Variants in TGOLN2 observed in about 807,000 individuals in gnomAD.
TGOLN2 encodes trans-Golgi network integral membrane protein 2.
TGOLN2 carries 19 observed loss-of-function variants against 31.3 expected under a neutral mutation model. The observed-to-expected ratio is 0.61, with a 90% confidence interval of 0.42 to 0.89. TGOLN2 has a LOEUF of 0.89. TGOLN2 is among the 40% of genes least tolerant of loss of function. The pLI is 0.00. For missense variants in TGOLN2, 540 were observed against 559.2 expected (o/e 0.97, Z 0.35); for synonymous variants, 222 against 226.7 (o/e 0.98, Z 0.19).
rs1366547271 is a variant in TGOLN2 at position 85,322,100 on chromosome 2, A to G, written c.*636T>C. The G allele has an allele frequency of 6.5e-6, 1 of 152,842 alleles. No individual in the cohort carries two copies. The highest frequency in any genetic ancestry group is 1.5e-5 in the Non-Finnish European group (1 of 68,518). The allele number at this position is 152,842 out of a possible 1,614,324, so 9.5% of individuals were successfully genotyped here. On this transcript the variant is annotated 3_prime_UTR_variant, in exon 4 of 4. Transcript: ENST00000377386. ...AGGTTAGACTTGCACCCAAAAAAGC[A>G]TCTTTTTTTTTAACCTGCTGTTTTG...
chr2:85,323,600 A>T (rs902982600), intron 3 of TGOLN2, among the ~76,000 whole-genome samples: 1 of 152,196 alleles, frequency 6.6e-6, no homozygotes, highest in African/African-American at 2.4e-5. Flanking sequence ...AAAGGGGGAA[A>T]ACCCTTAAAG....
intron 3 of TGOLN2, chr2:85,324,629 GAAAAA>G: frequency 2.4e-6 from 1 of 413,078 alleles, no homozygotes; most frequent in South Asian, 4.7e-5. Flanking sequence ...AAACTTAGCG[GAAAAA>G]AAAAAAAAAG....
rs1464650897 is a variant in TGOLN2, at chr2:85,321,535, T to A, written c.*1201A>T. ...TTAGAAAAGATAAACCTTCAAACAATAGTGTTGTCCAAGACACTACCCTCA... is the reference window on the plus strand; with the variant it reads ...TTAGAAAAGATAAACCTTCAAACAAAAGTGTTGTCCAAGACACTACCCTCA... On this transcript the variant is annotated 3_prime_UTR_variant, in exon 4 of 4. Transcript: ENST00000377386. The A allele has an allele frequency of 6.6e-6, 1 of 152,622 alleles. No homozygotes were observed. The highest frequency in any genetic ancestry group is 2.4e-5 in the African/African-American group (1 of 41,436). The allele number at this position is 152,622 out of a possible 1,614,324, so 9.5% of individuals were successfully genotyped here.
chr2:85,326,427 A>T, intron 2 of TGOLN2, 81 bp downstream of exon 2: 1 of 1,388,902 alleles, frequency 7.2e-7, no homozygotes, highest in Non-Finnish European at 1.0e-6. Flanking sequence ...ACGGGCATCT[A>T]GTGACGGGAT....
chr2:85,324,929 G>A lies in TGOLN2; in HGVS notation c.1294C>T (p.Arg432Cys), dbSNP rs1366314679. 8 of 1,555,094 alleles carry A rather than the reference G, an allele frequency of 5.1e-6. No individual in the cohort carries two copies. The African/African-American group carries it at 5.5e-5, about 11-fold the overall frequency. The change falls in exon 3 of 4, where the codon CGT becomes TGT. Residue 432 changes from arginine (R) to cysteine (C), a missense_variant. By Grantham distance (180) the Arg-to-Cys change is radical. Coordinates refer to ENST00000377386, the MANE Select transcript of TGOLN2 (RefSeq NM_006464.4). The part of the protein sequence containing the change: ...TRRPKASDYQ[R>C]LDQKS ...TCCTTCCTTACCTTCTGGTCCAAAC[G>A]TTGGTAGTCACTGGCCTTTGGCCGC...
chr2:85,325,725 G>A (rs1312143252), intron 2 of TGOLN2, among the ~76,000 whole-genome samples: 4 of 152,164 alleles, frequency 2.6e-5, no homozygotes, highest in African/African-American at 9.7e-5. Flanking sequence ...CGATCCTCCT[G>A]CCTCGGCCTC....
At chr2:85,323,384 G>A (rs1027469573) in intron 3 of TGOLN2, among the ~76,000 whole-genome samples, 11 of 152,100 alleles carry the variant, frequency 7.2e-5, no homozygotes, top group Non-Finnish European at 4.4e-5. Flanking sequence ...TGGCCAAAAG[G>A]GTGAAACCCC....
chr2:85,326,978 C>G lies in TGOLN2; in HGVS notation c.754G>C (p.Val252Leu), dbSNP rs1456811068. 1 of 1,613,902 alleles carries G rather than the reference C, an allele frequency of 6.2e-7. No homozygotes were observed. The highest frequency in any genetic ancestry group is 2.2e-5 in the East Asian group (1 of 44,890). ...EQTSKDSPNK[V>L]VPEQPSRKDH... ...TTCCGGGAAGGCTGCTCTGGAACCACCTTGTTAGGGCTGTCTTTTGAGGTC... is the reference window on the plus strand; with the variant it reads ...TTCCGGGAAGGCTGCTCTGGAACCAGCTTGTTAGGGCTGTCTTTTGAGGTC... Residue 252 changes from valine (V) to leucine (L), a missense_variant, in exon 2 of 4, where the codon GTG (valine) becomes CTG (leucine). Coordinates refer to ENST00000377386, the MANE Select transcript of TGOLN2 (RefSeq NM_006464.4).
At position 85,324,955 on chromosome 2, in the gene TGOLN2, C is replaced by T. The variant is rs1338975919; in HGVS notation, c.1268G>A (p.Arg423Gln). 3 of 1,554,724 alleles carry T rather than the reference C, an allele frequency of 1.9e-6. No individual in the cohort carries two copies. Among genetic ancestry groups the T allele is most frequent in the African/African-American group, 1.4e-5 (1 of 73,360 alleles). The change falls in exon 3 of 4, where the codon CGG (arginine) becomes CAG (glutamine). Residue 423 changes from arginine (R) to glutamine (Q), a missense_variant. Transcript: ENST00000377386. ...VLEGKRSKVTRRPKASDYQRL... is the reference protein window; with the variant it reads ...VLEGKRSKVTQRPKASDYQRL... ...TTGGTAGTCACTGGCCTTTGGCCGC[C>T]GGGTGACTTTAGATCTTTTTCCTTC... is the stretch of plus-strand genomic sequence containing the variant.
intron 3 of TGOLN2, chr2:85,324,447 T>C (rs1682659583): frequency 6.0e-6 from 1 of 166,620 alleles, no homozygotes; most frequent in Non-Finnish European, 1.3e-5. Context: ...AATGTAGAAA[T>C]ATAGGCTCCA....
At chr2:85,323,174 G>T (rs190850766) in intron 3 of TGOLN2, among the ~76,000 whole-genome samples, 1 of 152,162 alleles carries the variant, frequency 6.6e-6, no homozygotes, top group East Asian at 1.9e-4. Context: ...CACCATGTTG[G>T]CCAGACTGAT....
At chr2:85,322,843 C>T (rs1573046349) in intron 3 of TGOLN2, 102 bp from the exon 4 acceptor site, 2 of 1,546,482 alleles carry the variant, frequency 1.3e-6, no homozygotes, top group Non-Finnish European at 1.7e-6. Flanking sequence ...AAATAGCACA[C>T]AAAATGATTT....
chr2:85,323,547 C>G (rs1004302893), intron 3 of TGOLN2, among the ~76,000 whole-genome samples: 2 of 152,162 alleles, frequency 1.3e-5, no homozygotes, highest in Non-Finnish European at 2.9e-5. Flanking sequence ...GCCTGGACGA[C>G]ACAGCAAGAC....
chr2:85,326,449 C>G, intron 2 of TGOLN2, 59 bp downstream of exon 2: 1 of 1,562,740 alleles, frequency 6.4e-7, no homozygotes, highest in Non-Finnish European at 8.7e-7. Flanking sequence ...CCCACCCACA[C>G]CCAAGCTTCC....
intron 3 of TGOLN2, among the ~76,000 whole-genome samples, chr2:85,324,156 C>T (rs1376185070): frequency 6.6e-6 from 1 of 152,170 alleles, no homozygotes; most frequent in Non-Finnish European, 1.5e-5. Context: ...GGCACGGTGG[C>T]TTATGCCTGT....
rs1021247338 is a variant in TGOLN2 at position 85,321,845 on chromosome 2, G to C, written c.*891C>G. 1 of 152,116 alleles carries C rather than the reference G, an allele frequency of 6.6e-6. No homozygotes were observed. Among genetic ancestry groups the C allele is most frequent in the East Asian group, 1.9e-4 (1 of 5,198 alleles). The allele number at this position is 152,116 out of a possible 1,614,324, so 9.4% of individuals were successfully genotyped here. A position where few individuals can be genotyped will look rare whatever the true frequency, so the allele number is the denominator to read the frequency against. On this transcript the variant is annotated 3_prime_UTR_variant, in exon 4 of 4. Coordinates refer to ENST00000377386, the MANE Select transcript of TGOLN2 (RefSeq NM_006464.4). ...CCAAAACCCTCCTTCATGTTTTCTCGCATGAAACATAAACTTGCCCTATTT... is the reference window on the plus strand; with the variant it reads ...CCAAAACCCTCCTTCATGTTTTCTCCCATGAAACATAAACTTGCCCTATTT...
At position 85,326,801 on chromosome 2, in the gene TGOLN2, C is replaced by T; in HGVS notation, c.931G>A (p.Glu311Lys). 3 of 1,614,064 alleles carry T rather than the reference C, an allele frequency of 1.9e-6. No homozygotes were observed. The highest frequency in any genetic ancestry group is 4.5e-5 in the East Asian group (2 of 44,884). Residue 311 changes from glutamate to lysine, a missense_variant, in exon 2 of 4, where the codon GAA (glutamate) becomes AAA (lysine). Coordinates refer to ENST00000377386, the MANE Select transcript of TGOLN2 (RefSeq NM_006464.4). ...TCAGTAGGCTCTGAAGACTTAACTT[C>T]CTCCTGCGGGGGAGAAATGAGGTCA... Reference protein sequence around the residue: ...ETDLISPPQEEVKSSEPTEDV... With the variant: ...ETDLISPPQEKVKSSEPTEDV...
intron 2 of TGOLN2, among the ~76,000 whole-genome samples, chr2:85,325,520 C>T (rs77120499): frequency 0.022 from 3,364 of 152,206 alleles, 128 homozygotes; most frequent in African/African-American, 0.077. Flanking sequence ...CTCTGTCACC[C>T]GGGCTGGAGT....
rs574349608 is a variant in TGOLN2 at position 85,318,314 on chromosome 2, A to T, written c.*4422T>A. 3.3e-5 allele frequency: 5 copies of T among 152,360 alleles called. No homozygotes were observed. Among genetic ancestry groups the T allele is most frequent in the African/African-American group, 1.2e-4 (5 of 41,586 alleles). The allele number at this position is 152,360 out of a possible 1,614,324, so 9.4% of individuals were successfully genotyped here. A position where few individuals can be genotyped will look rare whatever the true frequency, so the allele number is the denominator to read the frequency against. ...TCAAACATGAAGTCTGGTGCATTAA[A>T]GGAATATCTATCAGAGGGTGAGGGG... On this transcript the variant is annotated 3_prime_UTR_variant, in exon 4 of 4. Transcript: ENST00000377386.
Sources: gnomAD v4.1 joint callset for allele counts (sites outside exome capture counted in the v4.1 genomes callset) on GRCh38, gnomAD v4.1.1 for gene constraint, MANE v1.5 for transcripts, NCBI Gene and HGNC (gene_info 2026-07-23, HGNC 2026-07-21) for gene names.